Variants in FMNL3 observed in about 807,000 individuals in gnomAD.
The protein encoded by FMNL3 is formin like 3.
In FMNL3, 57 loss-of-function variants were observed where a neutral mutation model predicts 119.6. That is an observed-to-expected ratio of 0.48 (90% CI 0.39 to 0.59). FMNL3 has a LOEUF of 0.59. FMNL3 is among the 20% of genes least tolerant of loss of function. FMNL3 has a pLI of 0.00. For missense variants in FMNL3, 1,053 were observed against 1,323.5 expected (o/e 0.80, Z 3.17); for synonymous variants, 491 against 507.3 (o/e 0.97, Z 0.43).
In FMNL3 at chr12:49,654,836, G is replaced by A. The variant is rs1592648459; in HGVS notation, c.960+74C>T. 2.7e-5 allele frequency: 38 copies of A among 1,383,712 alleles called. No individual in the cohort carries two copies. The East Asian group carries it at 8.0e-4, about 29-fold the overall frequency. The allele number at this position is 1,383,712 out of a possible 1,614,324, so 85.7% of individuals were successfully genotyped here. A position where few individuals can be genotyped will look rare whatever the true frequency, so the allele number is the denominator to read the frequency against. ...CGTGGAATATCAAGATACGCTGTTG[G>A]CCTCACCCCTGTTGTCAAGGAACAC... On this transcript the variant is annotated intron_variant, in intron 10 of 25. Coordinates refer to ENST00000335154, the MANE Select transcript of FMNL3 (RefSeq NM_175736.5).
intron 10 of FMNL3, 87 bp from the exon 11 acceptor site, chr12:49,654,389 C>T: frequency 9.9e-7 from 1 of 1,010,518 alleles, no homozygotes; most frequent in Non-Finnish European, 1.5e-6. Flanking sequence ...GTTAGAATAT[C>T]ATCATCATGT....
chr12:49,672,455 T>A (rs906625296), intron 1 of FMNL3, among the ~76,000 whole-genome samples: 2 of 152,110 alleles, frequency 1.3e-5, no homozygotes, highest in Non-Finnish European at 2.9e-5. Flanking sequence ...CATCTAATAA[T>A]AAAAATCTAT....
Position 49,637,597 on chromosome 12 carries a change from G to T in FMNL3, c.*8218C>A, listed in dbSNP as rs1230521917. The T allele has an allele frequency of 1.2e-6, 2 of 1,610,938 alleles. No homozygotes were observed. ...CTGGGCCAGCCGGGTAAGGCAGCCA[G>T]GCTCCCCCTTCTCTGGCCTGGCTTC... is the stretch of plus-strand genomic sequence containing the variant. On this transcript the variant is annotated 3_prime_UTR_variant, in exon 26 of 26. Coordinates refer to ENST00000335154, the MANE Select transcript of FMNL3 (RefSeq NM_175736.5).
intron 1 of FMNL3, among the ~76,000 whole-genome samples, chr12:49,698,478 T>C (rs1944812683): frequency 6.6e-6 from 1 of 150,856 alleles, no homozygotes; most frequent in Admixed American, 6.6e-5. Flanking sequence ...AAGAAGAGTA[T>C]GCATAATAGT....
intron 4 of FMNL3, among the ~76,000 whole-genome samples, chr12:49,665,228 G>GAA (rs201793585): frequency 3.6e-5 from 5 of 137,908 alleles, no homozygotes; most frequent in African/African-American, 1.1e-4. Context: ...TCAGGGACTG[G>GAA]AAAAAAAAAA....
rs748981224 is a variant in FMNL3, at chr12:49,645,826, C to G, written c.3073G>C (p.Gly1025Arg). 6.2e-7 allele frequency: 1 copy of G among 1,601,344 alleles called. No individual in the cohort carries two copies. Among genetic ancestry groups the G allele is most frequent in the Non-Finnish European group, 8.5e-7 (1 of 1,175,726 alleles). The change falls in exon 26 of 26, where the codon GGC becomes CGC. Residue 1025 changes from glycine (G) to arginine (R), a missense_variant. Gly to Arg is a moderately radical substitution (Grantham distance 125, BLOSUM62 -2). Coordinates refer to ENST00000335154, the MANE Select transcript of FMNL3 (RefSeq NM_175736.5). ...APPSGPPRAP[G>R]PH Reference sequence around the variant, plus strand: ...CCTCCGAGAGGGTCTCAGTGGGGGCCTGGAGCCCGAGGGGGACCACTGGGC... The same window carrying G: ...CCTCCGAGAGGGTCTCAGTGGGGGCGTGGAGCCCGAGGGGGACCACTGGGC...
At position 49,645,104 on chromosome 12, in the gene FMNL3, C is replaced by CAAAAAAAA. The variant is rs3073937; in HGVS notation, c.*703_*710dup. 3 of 55,610 alleles carry CAAAAAAAA rather than the reference C, an allele frequency of 5.4e-5. No individual in the cohort carries two copies. The highest frequency in any genetic ancestry group is 2.0e-4 in the Admixed American group (1 of 4,984). The allele number at this position is 55,610 out of a possible 1,614,324, so 3.4% of individuals were successfully genotyped here. ...GACCACCATGCTCCTTGTCCCCTGC[C>CAAAAAAAA]AAAAAAAAAAAAAAAAAAAAAAAAA... On this transcript the variant is annotated 3_prime_UTR_variant, in exon 26 of 26. Transcript: ENST00000335154.
At chr12:49,661,770 G>C in intron 5 of FMNL3, 196 bp downstream of exon 5, 1 of 595,342 alleles carries the variant, frequency 1.7e-6, no homozygotes, top group Non-Finnish European at 3.0e-6. Context: ...CTCCAGCCAA[G>C]TGCCATTCTT....
chr12:49,646,869 A>G lies in FMNL3; in HGVS notation c.2995+17T>C, dbSNP rs752578724. The stretch of plus-strand genomic sequence containing the variant: ...TGGGTGCAATGGCCAGGCCCCAGGG[A>G]GTGAAAAGGGCCCCACCTGTGATGA... On this transcript the variant is annotated intron_variant, in intron 25 of 25. Transcript: ENST00000335154. 1.2e-6 allele frequency: 2 copies of G among 1,613,162 alleles called. No homozygotes were observed. Among genetic ancestry groups the G allele is most frequent in the Non-Finnish European group, 1.7e-6 (2 of 1,179,498 alleles).
chr12:49,637,728 T>TA lies in FMNL3; in HGVS notation c.*8086dup, dbSNP rs774476500. The TA allele has an allele frequency of 3.2e-6, 5 of 1,557,498 alleles. No homozygotes were observed. In the African/African-American group the frequency reaches 5.5e-5, roughly 17 times the overall value. On this transcript the variant is annotated 3_prime_UTR_variant, in exon 26 of 26. Coordinates refer to ENST00000335154, the MANE Select transcript of FMNL3 (RefSeq NM_175736.5). ...CGCCAGGCCCCCCTCCCTCCCTCCT[T>TA]ACAGGCTCCACCCCTCTGGACTTAT...
At chr12:49,691,394 C>G (rs940419112) in intron 1 of FMNL3, among the ~76,000 whole-genome samples, 1 of 152,116 alleles carries the variant, frequency 6.6e-6, no homozygotes, top group Non-Finnish European at 1.5e-5. Flanking sequence ...AGATGCAGCA[C>G]AGCCTAGAGC....
intron 1 of FMNL3, among the ~76,000 whole-genome samples, chr12:49,706,392 T>C (rs1162440781): frequency 2.6e-5 from 4 of 152,204 alleles, no homozygotes; most frequent in Non-Finnish European, 5.9e-5. Flanking sequence ...TTGTTTCACT[T>C]GGAGAAATAC....
chr12:49,707,352 C>G lies in FMNL3; in HGVS notation c.-172G>C. On this transcript the variant is annotated 5_prime_UTR_variant, in exon 1 of 26. Coordinates refer to ENST00000335154, the MANE Select transcript of FMNL3 (RefSeq NM_175736.5). ...GAGTCCCGCTGGCGGGGGCGCGCGG[C>G]GAGGGCGGAGGCAGCGTAGCGGACA... is the stretch of plus-strand genomic sequence containing the variant. 3 of 518,222 alleles carry G rather than the reference C, an allele frequency of 5.8e-6. No homozygotes were observed. In the South Asian group the frequency reaches 1.3e-4, roughly 22 times the overall value. 32.1% of individuals were successfully genotyped at this position (518,222 alleles called of 1,614,324 possible).
chr12:49,654,401 G>T, intron 10 of FMNL3, 99 bp from the exon 11 acceptor site: 1 of 870,382 alleles, frequency 1.1e-6, no homozygotes. Context: ...TCATCATGTG[G>T]ATAATTACAG....
intron 7 of FMNL3, 28 bp downstream of exon 7, chr12:49,657,054 G>A (rs1290030373): frequency 2.5e-6 from 4 of 1,599,580 alleles, no homozygotes; most frequent in Non-Finnish European, 3.4e-6. Context: ...AAGAAGTAGA[G>A]CACCTATGGC....
At chr12:49,707,003 G>C in intron 1 of FMNL3, 52 bp downstream of exon 1, 2 of 1,543,394 alleles carry the variant, frequency 1.3e-6, no homozygotes, top group Non-Finnish European at 1.7e-6. Flanking sequence ...CAGCCCGGGC[G>C]TCGGGACCTG....
chr12:49,700,044 T>C (rs933123847), intron 1 of FMNL3, among the ~76,000 whole-genome samples: 2 of 152,322 alleles, frequency 1.3e-5, no homozygotes, highest in South Asian at 2.1e-4. Flanking sequence ...TAATCAGAGA[T>C]GGACACAAAT....
At position 49,638,270 on chromosome 12, in the gene FMNL3, T is replaced by C. The variant is rs1326318603; in HGVS notation, c.*7545A>G. Reference sequence around the variant, plus strand: ...TGGCCTGTACAGTGTTCTGTAAAAATTTGGAATTTGTTGCTAACATTTTAA... The same window carrying C: ...TGGCCTGTACAGTGTTCTGTAAAAACTTGGAATTTGTTGCTAACATTTTAA... On this transcript the variant is annotated 3_prime_UTR_variant, in exon 26 of 26. Coordinates refer to ENST00000335154, the MANE Select transcript of FMNL3 (RefSeq NM_175736.5). The C allele has an allele frequency of 6.5e-6, 1 of 154,100 alleles. No individual in the cohort carries two copies. The highest frequency in any genetic ancestry group is 1.9e-4 in the East Asian group (1 of 5,242). 9.5% of individuals were successfully genotyped at this position (154,100 alleles called of 1,614,324 possible).
In FMNL3 at chr12:49,649,673, G is replaced by C. The variant is rs1943333143; in HGVS notation, c.2235+18C>G. ...GAGGGACAGCTGTCCAGAGCCATGAGTTGGGTGGGGGCTGTACCGGTGTGA... is the reference window on the plus strand; with the variant it reads ...GAGGGACAGCTGTCCAGAGCCATGACTTGGGTGGGGGCTGTACCGGTGTGA... On this transcript the variant is annotated intron_variant, in intron 18 of 25. Coordinates refer to ENST00000335154, the MANE Select transcript of FMNL3 (RefSeq NM_175736.5). The surrounding 1 kb of genome is among the most constrained non-coding windows in gnomAD (Gnocchi z 5.6). 4 of 1,613,754 alleles carry C rather than the reference G, an allele frequency of 2.5e-6. No homozygotes were observed. The East Asian group carries it at 8.9e-5, about 36-fold the overall frequency.
Sources: allele counts gnomAD v4.1 joint callset (sites outside exome capture counted in the v4.1 genomes callset), GRCh38; gene constraint gnomAD v4.1.1; non-coding constraint Gnocchi (gnomAD v3.1); transcripts MANE v1.5; gene names NCBI Gene and HGNC (gene_info 2026-07-23, HGNC 2026-07-21).